Variants in ATP1A3 observed in about 807,000 individuals in gnomAD.
The protein encoded by ATP1A3 is ATPase Na+/K+ transporting subunit alpha 3.
Under a neutral mutation model 108.8 loss-of-function variants are expected in ATP1A3, and 12 were observed. The ratio of observed to expected loss-of-function variants is 0.11; its 90% CI spans 0.07 to 0.18. ATP1A3 has a LOEUF of 0.18. Ranked by LOEUF, ATP1A3 falls within the 10% of genes least tolerant of loss-of-function variation. The pLI is 1.00. For synonymous variants in ATP1A3, 539 were observed against 564.5 expected (o/e 0.95, Z 0.64); for missense variants, 498 against 1,387.7 (o/e 0.36, Z 10.19).
chr19:41,982,485 G>C (rs536286465), intron 8 of ATP1A3, among the ~76,000 whole-genome samples: 2 of 152,074 alleles, frequency 1.3e-5, no homozygotes, highest in Non-Finnish European at 2.9e-5. Context: ...AATTAGCAGG[G>C]CATGATGGTA....
In ATP1A3 at chr19:41,985,238, A is replaced by T. The variant is rs374815666; in HGVS notation, c.725-52T>A. On this transcript the variant is annotated intron_variant, in intron 7 of 22. Coordinates refer to ENST00000648268, the MANE Select transcript of ATP1A3 (RefSeq NM_152296.5). This position sits in a 1 kb window ranked among gnomAD's most constrained non-coding sequence, Gnocchi z 8.2. ...GTGGGGTGGCTCAGGGAGGTTCTGGAGGCCTGACCCCCTGGGACACATCCC... is the reference window on the plus strand; with the variant it reads ...GTGGGGTGGCTCAGGGAGGTTCTGGTGGCCTGACCCCCTGGGACACATCCC... 91 of 1,614,002 alleles carry T rather than the reference A, an allele frequency of 5.6e-5. No individual in the cohort carries two copies. The African/African-American group carries it at 1.1e-3, about 20-fold the overall frequency.
At chr19:41,980,910 CAA>C (rs1204047934) in intron 11 of ATP1A3, among the ~76,000 whole-genome samples, 2 of 125,854 alleles carry the variant, frequency 1.6e-5, no homozygotes, top group African/African-American at 2.9e-5. Context: ...AACTCTGTCT[CAA>C]AAAAAAAAAA....
chr19:41,976,535 C>T lies in ATP1A3; in HGVS notation c.1975G>A (p.Asp659Asn), dbSNP rs375193034. 3.7e-6 allele frequency: 6 copies of T among 1,614,058 alleles called. No individual in the cohort carries two copies. The highest frequency in any genetic ancestry group is 2.7e-5 in the African/African-American group (2 of 75,010). ...TGCTCGGAGGTGAAGTCCTTGAGGT[C>T]GGTGCCGTGGATCACGCAGGCCTTG... ...DAKACVIHGT[D>N]LKDFTSEQID... The change falls in exon 15 of 23, where the codon GAC becomes AAC. Residue 659 changes from aspartate to asparagine, a missense_variant. This residue lies in a region of ATP1A3 where 20 missense variants were observed against 17.8 expected (regional missense o/e 1.12). Transcript: ENST00000648268.
rs782493144 is a variant in ATP1A3, at chr19:41,978,304, G to A, written c.1653C>T (p.Pro551=). 16 of 1,606,360 alleles carry A rather than the reference G, an allele frequency of 1.0e-5. No homozygotes were observed. Among genetic ancestry groups the A allele is most frequent in the Admixed American group, 3.5e-5 (2 of 57,896 alleles). The change falls in exon 13 of 23, where the codon CCC becomes CCT. Residue 551 remains proline (P), a synonymous_variant. Transcript: ENST00000648268. The surrounding 1 kb of genome is among the most constrained non-coding windows in gnomAD (Gnocchi z 8.3). ...RVLGFCHYYL[P]EEQFPKGFAF... ...CAAAGCCCTTGGGGAACTGCTCCTC[G>A]GGCAGGTAATAATGGCAGAAACCTA... is the stretch of plus-strand genomic sequence containing the variant.
intron 1 of ATP1A3, 137 bp downstream of exon 1, chr19:41,993,934 G>A (rs2075363789): frequency 1.3e-6 from 2 of 1,496,098 alleles, no homozygotes; most frequent in African/African-American, 1.4e-5. Flanking sequence ...GGATTGGCTG[G>A]GTCAGCCGGC....
rs782662538 is a variant in ATP1A3 at position 41,986,203 on chromosome 19, G to A, written c.384C>T (p.Ala128=). 1.6e-5 allele frequency: 26 copies of A among 1,614,014 alleles called. No homozygotes were observed. The highest frequency in any genetic ancestry group is 4.5e-5 in the East Asian group (2 of 44,868). The stretch of plus-strand genomic sequence containing the variant: ...AGAAGCAGCCAGTGATGATCACCAC[G>A]GCCGCCAGCACGATGCCCAGGTACA... ...DNLYLGIVLA[A]VVIITGCFSY... The change falls in exon 5 of 23, where the codon GCC becomes GCT. Residue 128 remains alanine, a synonymous_variant. Transcript: ENST00000648268.
At chr19:41,983,230 A>C (rs1397415631) in intron 8 of ATP1A3, among the ~76,000 whole-genome samples, 1 of 151,700 alleles carries the variant, frequency 6.6e-6, no homozygotes, top group Non-Finnish European at 1.5e-5. Flanking sequence ...GGCGCCCACC[A>C]TCACGCCTGG....
At chr19:41,989,301 T>A (rs1487886390) in intron 1 of ATP1A3, among the ~76,000 whole-genome samples, 1 of 150,718 alleles carries the variant, frequency 6.6e-6, no homozygotes, top group Non-Finnish European at 1.5e-5. Context: ...CTGTCCAACC[T>A]TCCTACATAT....
chr19:41,985,839 A>C lies in ATP1A3; in HGVS notation c.606+25T>G, dbSNP rs781959700. 1 of 1,612,990 alleles carries C rather than the reference A, an allele frequency of 6.2e-7. No homozygotes were observed. Among genetic ancestry groups the C allele is most frequent in the South Asian group, 1.1e-5 (1 of 91,070 alleles). ...TCCTGGGCAGCCCGAGGGAGGGTAA[A>C]GCCGGGCCCTAGGCCCAGGCCCACC... On this transcript the variant is annotated intron_variant, in intron 6 of 22. Transcript: ENST00000648268. The surrounding 1 kb of genome is among the most constrained non-coding windows in gnomAD (Gnocchi z 8.2).
chr19:41,969,606 G>A, intron 18 of ATP1A3, 26 bp from the exon 19 acceptor site: 1 of 1,612,780 alleles, frequency 6.2e-7, no homozygotes, highest in Non-Finnish European at 8.5e-7. Context: ...AGGAAGCCGA[G>A]GAGAGGCTCA....
chr19:41,987,257 C>G (rs2075295571), intron 4 of ATP1A3, among the ~76,000 whole-genome samples: 1 of 152,170 alleles, frequency 6.6e-6, no homozygotes, highest in South Asian at 2.1e-4. Flanking sequence ...ATTTGAACAT[C>G]TGAGGACACT....
At chr19:41,983,732 G>C (rs1239444749) in intron 8 of ATP1A3, among the ~76,000 whole-genome samples, 1 of 145,098 alleles carries the variant, frequency 6.9e-6, no homozygotes, top group Non-Finnish European at 1.5e-5. Context: ...TGGAACTACA[G>C]ACATGTACCA....
chr19:41,975,566 C>T, intron 16 of ATP1A3, 63 bp downstream of exon 16: 1 of 1,607,730 alleles, frequency 6.2e-7, no homozygotes, highest in East Asian at 2.2e-5. Context: ...GGCCAGTTCC[C>T]CTTGCTGGTC....
intron 1 of ATP1A3, among the ~76,000 whole-genome samples, chr19:41,990,674 C>CT (rs2075328992): frequency 3.4e-5 from 1 of 29,626 alleles, no homozygotes; most frequent in African/African-American, 2.6e-4. Flanking sequence ...CTCTCTCTGT[C>CT]CATATATATA....
chr19:41,975,362 A>T (rs1555860706), intron 16 of ATP1A3, among the ~76,000 whole-genome samples: 1 of 152,158 alleles, frequency 6.6e-6, no homozygotes, highest in Non-Finnish European at 1.5e-5. Context: ...GAATATCTTT[A>T]AAAAGCCTCC....
At chr19:41,970,603 C>G in intron 16 of ATP1A3, 61 bp from the exon 17 acceptor site, 2 of 1,573,666 alleles carry the variant, frequency 1.3e-6, no homozygotes, top group African/African-American at 2.7e-5. Flanking sequence ...CCCTCTGCCC[C>G]TCCTCTGCCC....
At position 41,967,136 on chromosome 19, in the gene ATP1A3, A is replaced by C. The variant is rs782768784; in HGVS notation, c.3013+113T>G. ...GCCCGGAGAGATGGGAAGAGAGAGA[A>C]GAGTGGGAACCAGGTGGCAGAGCCA... On this transcript the variant is annotated intron_variant, in intron 22 of 22. Transcript: ENST00000648268. This position sits in a 1 kb window ranked among gnomAD's most constrained non-coding sequence, Gnocchi z 4.2. 5 of 1,571,086 alleles carry C rather than the reference A, an allele frequency of 3.2e-6. No homozygotes were observed. The highest frequency in any genetic ancestry group is 3.5e-6 in the Non-Finnish European group (4 of 1,158,312).
Position 41,981,896 on chromosome 19 carries a change from G to A in ATP1A3, c.1192+12C>T. The A allele has an allele frequency of 6.2e-7, 1 of 1,614,232 alleles. No individual in the cohort carries two copies. The highest frequency in any genetic ancestry group is 1.3e-5 in the African/African-American group (1 of 75,066). ...CAGGCCCCCATGGTCCTCACCCGGG[G>A]CCTGCGCTCACCTGACTGGTCCTCA... On this transcript the variant is annotated intron_variant, in intron 9 of 22. Coordinates refer to ENST00000648268, the MANE Select transcript of ATP1A3 (RefSeq NM_152296.5). The surrounding 1 kb of genome is among the most constrained non-coding windows in gnomAD (Gnocchi z 5.0).
chr19:41,993,870 A>T, intron 1 of ATP1A3: 1 of 970,190 alleles, frequency 1.0e-6, no homozygotes. Flanking sequence ...ACACAAAGCC[A>T]TGCCAACGTG....
Sources: allele counts gnomAD v4.1 joint callset (sites outside exome capture counted in the v4.1 genomes callset), GRCh38; gene constraint gnomAD v4.1.1; regional missense constraint gnomAD v4.1.1; non-coding constraint Gnocchi (gnomAD v3.1); transcripts MANE v1.5; gene names NCBI Gene and HGNC (gene_info 2026-07-23, HGNC 2026-07-21).